SORCS2: variants seen among roughly 807,000 people sequenced by gnomAD.
The protein encoded by SORCS2 is sortilin related VPS10 domain containing receptor 2, also known as VPS10 domain-containing receptor SorCS2.
A neutral mutation model predicts 141.6 loss-of-function variants in SORCS2; 100 were observed. That is an observed-to-expected ratio of 0.71 (90% CI 0.60 to 0.83). SORCS2 has a LOEUF of 0.83. Ranked by LOEUF, SORCS2 falls within the 40% of genes least tolerant of loss-of-function variation. The pLI, the probability that SORCS2 is intolerant of heterozygous loss-of-function variation, is 0.00. For missense variants in SORCS2, 1,646 were observed against 1,560.2 expected, an observed-to-expected ratio of 1.05 and a Z score of -0.93; for synonymous variants, 789 against 676.9, an observed-to-expected ratio of 1.17 and a Z score of -2.57.
At chr4:7,262,898 C>T (rs543645812) in intron 1 of SORCS2, among the ~76,000 whole-genome samples, 16 of 152,308 alleles carry the variant, frequency 1.1e-4, no homozygotes, top group East Asian at 3.9e-4. Context: ...GGAAAATCAC[C>T]GCAGGGCTCA....
At chr4:7,384,447 C>T (rs1723167765) in intron 1 of SORCS2, among the ~76,000 whole-genome samples, 1 of 152,158 alleles carries the variant, frequency 6.6e-6, no homozygotes, top group African/African-American at 2.4e-5. Context: ...ACCTCCACTG[C>T]AGGTCAGACC....
intron 1 of SORCS2, among the ~76,000 whole-genome samples, chr4:7,386,429 A>C (rs1723323049): frequency 8.9e-6 from 1 of 112,848 alleles, no homozygotes; most frequent in Non-Finnish European, 1.8e-5. Context: ...ATGCACACAC[A>C]TACAGGTACA....
In SORCS2 at chr4:7,439,890, G is replaced by A. The variant is rs886201233; in HGVS notation, c.548+43535G>A. The stretch of plus-strand genomic sequence containing the variant: ...GATGGTGTGCAGAATGTTTCTGTAG[G>A]GTGTGCACCTGTGGGGGCAGGTGGG... On this transcript the variant is annotated intron_variant, in intron 2 of 26. Coordinates refer to ENST00000507866, the MANE Select transcript of SORCS2 (RefSeq NM_020777.3). 2.0e-5 allele frequency among the ~76,000 whole-genome samples: 3 copies of A among 152,188 alleles called. No individual in the cohort carries two copies. In the East Asian group the frequency reaches 5.8e-4, roughly 29 times the overall value.
chr4:7,598,854 T>C (rs1717461536), intron 3 of SORCS2, among the ~76,000 whole-genome samples: 1 of 152,216 alleles, frequency 6.6e-6, no homozygotes, highest in African/African-American at 2.4e-5. Context: ...GCTGTGCTCA[T>C]GCTGAGCTCT....
chr4:7,557,068 A>G (rs1211456430), intron 3 of SORCS2, among the ~76,000 whole-genome samples: 1 of 152,110 alleles, frequency 6.6e-6, no homozygotes, highest in African/African-American at 2.4e-5. Context: ...CAGGCATACC[A>G]TGATATGCTC....
chr4:7,354,770 C>T (rs1721148582), intron 1 of SORCS2, among the ~76,000 whole-genome samples: 2 of 152,176 alleles, frequency 1.3e-5, no homozygotes. Context: ...GTCCCCACAG[C>T]ACGAGGAGCC....
chr4:7,332,726 G>A (rs1433040322), intron 1 of SORCS2, among the ~76,000 whole-genome samples: 2 of 152,212 alleles, frequency 1.3e-5, no homozygotes, highest in African/African-American at 4.8e-5. Context: ...AAACCCGAGT[G>A]AGCACAAGCC....
chr4:7,447,090 G>T (rs986527815), intron 2 of SORCS2, among the ~76,000 whole-genome samples: 4 of 152,194 alleles, frequency 2.6e-5, no homozygotes, highest in African/African-American at 9.6e-5. Flanking sequence ...ATAGAAGCAG[G>T]TCCCAAAAGG....
chr4:7,651,814 T>C (rs10005748), intron 4 of SORCS2, among the ~76,000 whole-genome samples: 27,375 of 152,196 alleles, frequency 0.18, 5,036 homozygotes, highest in African/African-American at 0.47. Context: ...CTGTTCCTCA[T>C]GGGTAAGAGG....
chr4:7,699,277 G>T (rs368922110), intron 12 of SORCS2, among the ~76,000 whole-genome samples: 104 of 152,274 alleles, frequency 6.8e-4, no homozygotes, highest in African/African-American at 2.5e-3. Context: ...TGCCAGTGGG[G>T]TTTGGAAAAC....
chr4:7,674,876 G>A, intron 8 of SORCS2, among the ~76,000 whole-genome samples: 1 of 151,456 alleles, frequency 6.6e-6, no homozygotes. Context: ...CCATCCCCAA[G>A]CATCCCAGCC....
At chr4:7,215,121 G>A (rs1356556840) in intron 1 of SORCS2, among the ~76,000 whole-genome samples, 3 of 152,188 alleles carry the variant, frequency 2.0e-5, no homozygotes, top group African/African-American at 4.8e-5. Context: ...TTGCAGGGAG[G>A]TGTGGAGGGA....
chr4:7,715,661 C>G (rs554304668), intron 17 of SORCS2, among the ~76,000 whole-genome samples: 102 of 152,324 alleles, frequency 6.7e-4, no homozygotes, highest in African/African-American at 2.4e-3. Context: ...ATGGCTCACA[C>G]CTGCTGCAGC....
At chr4:7,555,343 G>T (rs2109649398) in intron 3 of SORCS2, among the ~76,000 whole-genome samples, 1 of 152,352 alleles carries the variant, frequency 6.6e-6, no homozygotes, top group South Asian at 2.1e-4. Context: ...CTTTCTGGCA[G>T]GGGCCATTTC....
At chr4:7,629,548 G>A (rs189470811) in intron 3 of SORCS2, among the ~76,000 whole-genome samples, 20 of 151,528 alleles carry the variant, frequency 1.3e-4, no homozygotes, top group African/African-American at 3.1e-4. Flanking sequence ...ACTCTCCAGC[G>A]CCCTACCCCC....
At chr4:7,453,080 C>T (rs1371398704) in intron 2 of SORCS2, among the ~76,000 whole-genome samples, 6 of 83,116 alleles carry the variant, frequency 7.2e-5, no homozygotes, top group South Asian at 8.8e-4. Context: ...GTTGGGGTCA[C>T]GTGCTGTGTT....
chr4:7,724,480 G>GTAGTTATGGTGA, intron 19 of SORCS2, among the ~76,000 whole-genome samples: 1 of 71,492 alleles, frequency 1.4e-5, no homozygotes, highest in Non-Finnish European at 3.2e-5. Flanking sequence ...GGTGATGGTG[G>GTAGTTATGGTGA]TGATGGTGGT....
intron 3 of SORCS2, among the ~76,000 whole-genome samples, chr4:7,580,849 A>T (rs1375871066): frequency 6.6e-6 from 1 of 152,202 alleles, no homozygotes; most frequent in Non-Finnish European, 1.5e-5. Context: ...GGTGAAAATC[A>T]ATGGAGGAGT....
At chr4:7,616,460 T>A (rs1469104277) in intron 3 of SORCS2, among the ~76,000 whole-genome samples, 1 of 152,118 alleles carries the variant, frequency 6.6e-6, no homozygotes, top group Admixed American at 6.5e-5. Context: ...CTACCATTCA[T>A]TCATCCATCC....
Sources: gnomAD v4.1 joint callset for allele counts (sites outside exome capture counted in the v4.1 genomes callset) on GRCh38, gnomAD v4.1.1 for gene constraint, MANE v1.5 for transcripts, NCBI Gene and HGNC (gene_info 2026-07-23, HGNC 2026-07-21) for gene names.